TAFA4: variants seen among roughly 807,000 people sequenced by gnomAD.
TAFA4 encodes TAFA chemokine like family member 4.
In TAFA4, 20 loss-of-function variants were observed where a neutral mutation model predicts 21.1. The observed-to-expected ratio is 0.95, with a 90% CI of 0.67 to 1.38. The LOEUF is 1.38. Ranked by LOEUF, TAFA4 falls within the 40% of genes most tolerant of loss-of-function variation. The probability of loss-of-function intolerance (pLI) is 0.00; values close to 1 mark genes in which losing one functional copy is unlikely to be tolerated. For missense variants in TAFA4, 211 were observed against 180.9 expected, an observed-to-expected ratio of 1.17 and a Z score of -0.95; for synonymous variants, 71 against 67.4, an observed-to-expected ratio of 1.05 and a Z score of -0.26.
chr3:68,904,916 T>G (rs1369367979), intron 1 of TAFA4, among the ~76,000 whole-genome samples: 2 of 152,182 alleles, frequency 1.3e-5, no homozygotes, highest in Non-Finnish European at 2.9e-5. Context: ...GAACTGGCCT[T>G]GCAGCTGTGG....
chr3:68,851,070 T>C (rs971952725), intron 3 of TAFA4, among the ~76,000 whole-genome samples: 4 of 152,120 alleles, frequency 2.6e-5, no homozygotes, highest in East Asian at 1.9e-4. Context: ...CTATTCACAA[T>C]AGCAAAAACA....
At chr3:68,926,760 G>T (rs897714607) in intron 1 of TAFA4, among the ~76,000 whole-genome samples, 1 of 151,754 alleles carries the variant, frequency 6.6e-6, no homozygotes, top group African/African-American at 2.4e-5. Context: ...AAAATACAAA[G>T]ATTAGCCAGG....
At chr3:68,852,461 C>A (rs1704972671) in intron 3 of TAFA4, among the ~76,000 whole-genome samples, 2 of 152,138 alleles carry the variant, frequency 1.3e-5, no homozygotes, top group African/African-American at 4.8e-5. Context: ...CAGAGAGAAG[C>A]ATTAGCGAGG....
At chr3:68,919,721 T>G (rs9842823) in intron 1 of TAFA4, among the ~76,000 whole-genome samples, 40,855 of 152,052 alleles carry the variant, frequency 0.27, 6,023 homozygotes, top group African/African-American at 0.4. Flanking sequence ...CACAGGGAAG[T>G]TCTATTGAAA....
At chr3:68,855,290 C>G (rs1705046369) in intron 3 of TAFA4, among the ~76,000 whole-genome samples, 2 of 152,180 alleles carry the variant, frequency 1.3e-5, no homozygotes, top group African/African-American at 4.8e-5. Flanking sequence ...GTAAGAACAC[C>G]TTGATTTATT....
At chr3:68,870,797 A>G (rs1330304145) in intron 3 of TAFA4, among the ~76,000 whole-genome samples, 1 of 151,832 alleles carries the variant, frequency 6.6e-6, no homozygotes, top group Non-Finnish European at 1.5e-5. Flanking sequence ...ATGTGTTCTC[A>G]TTGTTCAACT....
At chr3:68,881,027 A>G (rs1315792419) in intron 2 of TAFA4, among the ~76,000 whole-genome samples, 182 bp from the exon 3 acceptor site, 2 of 152,258 alleles carry the variant, frequency 1.3e-5, no homozygotes, top group African/African-American at 4.8e-5. Flanking sequence ...AATTTTCAAT[A>G]AAAACCTTTG....
intron 3 of TAFA4, among the ~76,000 whole-genome samples, chr3:68,830,424 T>G (rs901610907): frequency 6.6e-6 from 1 of 152,244 alleles, no homozygotes; most frequent in Non-Finnish European, 1.5e-5. Flanking sequence ...CACCTTTATT[T>G]CTGCCTTCAT....
intron 1 of TAFA4, among the ~76,000 whole-genome samples, chr3:68,899,680 G>A (rs553040086): frequency 6.6e-6 from 1 of 152,142 alleles, no homozygotes; most frequent in Non-Finnish European, 1.5e-5. Flanking sequence ...ACCTATATAA[G>A]GAAATATTAG....
chr3:68,894,957 C>G (rs1205710159), intron 1 of TAFA4, among the ~76,000 whole-genome samples: 1 of 152,174 alleles, frequency 6.6e-6, no homozygotes, highest in Non-Finnish European at 1.5e-5. Flanking sequence ...CAGGTTCAAG[C>G]AATTCTCCTG....
intron 1 of TAFA4, among the ~76,000 whole-genome samples, chr3:68,926,495 G>T (rs1182900714): frequency 1.3e-5 from 2 of 152,128 alleles, no homozygotes; most frequent in Non-Finnish European, 2.9e-5. Context: ...CAAGATACTT[G>T]GGTTCCCCGA....
At chr3:68,841,471 T>G (rs2106894359) in intron 3 of TAFA4, among the ~76,000 whole-genome samples, 1 of 152,240 alleles carries the variant, frequency 6.6e-6, no homozygotes, top group African/African-American at 2.4e-5. Flanking sequence ...CACAACTAAA[T>G]CACAATGCGT....
chr3:68,815,184 A>C (rs1402708898), intron 3 of TAFA4, among the ~76,000 whole-genome samples: 3 of 152,216 alleles, frequency 2.0e-5, no homozygotes, highest in African/African-American at 7.2e-5. Flanking sequence ...TAAAGACTTA[A>C]ATGTTAGACC....
intron 3 of TAFA4, among the ~76,000 whole-genome samples, chr3:68,854,242 T>C (rs943512860): frequency 6.6e-6 from 1 of 151,918 alleles, no homozygotes; most frequent in African/African-American, 2.4e-5. Flanking sequence ...GAGACGAGAA[T>C]GTTCTCTGAC....
chr3:68,922,224 C>T (rs1369599318), intron 1 of TAFA4, among the ~76,000 whole-genome samples: 3 of 152,174 alleles, frequency 2.0e-5, no homozygotes, highest in Non-Finnish European at 2.9e-5. Context: ...AGCATCGGCA[C>T]CTCATGGGAG....
intron 2 of TAFA4, among the ~76,000 whole-genome samples, chr3:68,882,604 A>C (rs2089631104): frequency 6.6e-6 from 1 of 152,198 alleles, no homozygotes; most frequent in Admixed American, 6.5e-5. Context: ...TAACAAATAG[A>C]TTGATAGCTG....
intron 4 of TAFA4, among the ~76,000 whole-genome samples, chr3:68,745,145 G>C (rs1702433314): frequency 6.6e-6 from 1 of 152,164 alleles, no homozygotes; most frequent in Admixed American, 6.5e-5. Context: ...CTGACAGCAA[G>C]GGTAAGAACC....
At chr3:68,828,062 G>C (rs1575628252) in intron 3 of TAFA4, among the ~76,000 whole-genome samples, 1 of 152,154 alleles carries the variant, frequency 6.6e-6, no homozygotes, top group Non-Finnish European at 1.5e-5. Flanking sequence ...TTTTGTGTAA[G>C]ATGTAAGAAA....
intron 1 of TAFA4, among the ~76,000 whole-genome samples, chr3:68,922,769 G>C (rs959012380): frequency 6.6e-6 from 1 of 152,136 alleles, no homozygotes; most frequent in Admixed American, 6.5e-5. Context: ...CAGTCTTGAG[G>C]AATTTTTTCC....
Sources: gnomAD v4.1 joint callset for allele counts (sites outside exome capture counted in the v4.1 genomes callset) on GRCh38, gnomAD v4.1.1 for gene constraint, MANE v1.5 for transcripts, NCBI Gene and HGNC (gene_info 2026-07-23, HGNC 2026-07-21) for gene names.